The following SUGP1 variants were observed in gnomAD, a reference collection of about 807,000 sequenced individuals.
The protein encoded by SUGP1 is SURP and G-patch domain-containing protein 1.
SUGP1 carries 34 observed loss-of-function variants against 76.5 expected under a neutral mutation model. That is an observed-to-expected ratio of 0.44 (90% confidence interval 0.34 to 0.59). SUGP1 has a LOEUF of 0.59. SUGP1 is among the 20% of genes least tolerant of loss of function. SUGP1 has a pLI of 0.01. For synonymous variants in SUGP1, 326 were observed against 326.2 expected (o/e 1.00, Z 0.01); for missense variants, 752 against 851.7 (o/e 0.88, Z 1.46).
intron 1 of SUGP1, among the ~76,000 whole-genome samples, 164 bp downstream of exon 1, chr19:19,320,299 C>A (rs2061433092): frequency 6.6e-6 from 1 of 152,146 alleles, no homozygotes; most frequent in African/African-American, 2.4e-5. Flanking sequence ...CAACCTGGGT[C>A]TGGGGTCTCG....
At chr19:19,295,069 A>C (rs1345460168) in intron 8 of SUGP1, among the ~76,000 whole-genome samples, 3 of 152,140 alleles carry the variant, frequency 2.0e-5, no homozygotes, top group African/African-American at 7.2e-5. Flanking sequence ...AGGCTGAGGC[A>C]AGAAGATGGC....
rs568684370 is a variant in SUGP1, at chr19:19,307,205, C to A, written c.311-1129G>T. ...TAGCTGGGACTACAGGTGCACGACA[C>A]CATGTCTGGCTAATTTTATTTTTAT... On this transcript the variant is annotated intron_variant, in intron 3 of 13. Coordinates refer to ENST00000247001, the MANE Select transcript of SUGP1 (RefSeq NM_172231.4). Among the ~76,000 whole-genome samples, 6 of 152,206 alleles carry A rather than the reference C, an allele frequency of 3.9e-5. 1 individual carries two copies. The South Asian group carries it at 1.2e-3, about 32-fold the overall frequency.
chr19:19,316,426 C>T lies in SUGP1; in HGVS notation c.202G>A (p.Gly68Ser), dbSNP rs1303474200. Residue 68 changes from glycine to serine, a missense_variant, in exon 2 of 14, where the codon GGC becomes AGC. Coordinates refer to ENST00000247001, the MANE Select transcript of SUGP1 (RefSeq NM_172231.4). ...CAGGCCCCAGCAGGCACTTACTCGCCAGGATGTGGGGGCTGAGGGCTGGCC... is the reference window on the plus strand; with the variant it reads ...CAGGCCCCAGCAGGCACTTACTCGCTAGGATGTGGGGGCTGAGGGCTGGCC... ...QVASPQPPHP[G>S]EITNAHNSSC... 1 of 1,613,948 alleles carries T rather than the reference C, an allele frequency of 6.2e-7. No individual in the cohort carries two copies. The highest frequency in any genetic ancestry group is 2.2e-5 in the East Asian group (1 of 44,834).
Position 19,297,143 on chromosome 19 carries a change from G to T in SUGP1, c.1089C>A (p.Ile363=). 1 of 1,613,982 alleles carries T rather than the reference G, an allele frequency of 6.2e-7. No homozygotes were observed. Among genetic ancestry groups the T allele is most frequent in the Non-Finnish European group, 8.5e-7 (1 of 1,179,902 alleles). ...CPASSTPAPT[I]IPAPAAPGKP... is the part of the protein sequence containing the mutation. ...TCCCGGGGGCAGCTGGAGCAGGGAT[G>T]ATAGTGGGCGCAGGCGTGGACGAGG... Residue 363 remains isoleucine (I), a synonymous_variant, in exon 8 of 14, where the codon ATC becomes ATA. Coordinates refer to ENST00000247001, the MANE Select transcript of SUGP1 (RefSeq NM_172231.4).
At position 19,310,103 on chromosome 19, in the gene SUGP1, T is replaced by C. The variant is rs780550393; in HGVS notation, c.304A>G (p.Ser102Gly). 1 of 1,613,228 alleles carries C rather than the reference T, an allele frequency of 6.2e-7. No homozygotes were observed. The change falls in exon 3 of 14, where the codon AGC (serine) becomes GGC (glycine). Residue 102 changes from serine to glycine, a missense_variant. By Grantham distance (56) the Ser-to-Gly change is moderately conservative. Transcript: ENST00000247001. ...AGGGGAGGCCTACACTCACCTGTGC[T>C]GGTCTGTGCCTTCTGCAACTTCAGA... ...QFLKLQKAQT[S>G]TDAPTSAPSA...
At chr19:19,292,301 C>G (rs1475383455) in intron 8 of SUGP1, among the ~76,000 whole-genome samples, 1 of 150,066 alleles carries the variant, frequency 6.7e-6, no homozygotes, top group South Asian at 2.1e-4. Context: ...GAAAGAATAC[C>G]AATTCTCCTC....
intron 8 of SUGP1, among the ~76,000 whole-genome samples, chr19:19,283,913 T>A (rs1027432879): frequency 6.6e-6 from 1 of 152,244 alleles, no homozygotes; most frequent in Admixed American, 6.5e-5. Context: ...TAACATTAGC[T>A]GTAGTGCACA....
intron 9 of SUGP1, among the ~76,000 whole-genome samples, chr19:19,279,939 C>T (rs1455252044): frequency 2.6e-5 from 4 of 152,200 alleles, no homozygotes; most frequent in South Asian, 2.1e-4. Context: ...CCACCGGGGC[C>T]GCCCCAAGGG....
At chr19:19,288,849 G>T (rs148447990) in intron 8 of SUGP1, among the ~76,000 whole-genome samples, 7 of 151,920 alleles carry the variant, frequency 4.6e-5, no homozygotes, top group African/African-American at 9.7e-5. Context: ...GCAGTGGCGC[G>T]ATCTCAGCTC....
intron 9 of SUGP1, 53 bp downstream of exon 9, chr19:19,280,132 A>G: frequency 6.4e-7 from 1 of 1,556,972 alleles, no homozygotes. Context: ...GGTAGAGGAC[A>G]ACACTCTATG....
chr19:19,310,105 G>A lies in SUGP1; in HGVS notation c.302C>T (p.Thr101Ile). The A allele has an allele frequency of 3.1e-6, 5 of 1,613,234 alleles. No individual in the cohort carries two copies. Among genetic ancestry groups the A allele is most frequent in the Non-Finnish European group, 3.4e-6 (4 of 1,179,390 alleles). ...GGGAGGCCTACACTCACCTGTGCTGGTCTGTGCCTTCTGCAACTTCAGAAA... is the reference window on the plus strand; with the variant it reads ...GGGAGGCCTACACTCACCTGTGCTGATCTGTGCCTTCTGCAACTTCAGAAA... ...QQFLKLQKAQ[T>I]STDAPTSAPS... Residue 101 changes from threonine (T) to isoleucine (I), a missense_variant, in exon 3 of 14, where the codon ACC becomes ATC. Around this residue, in one of 2 missense-constraint regions of SUGP1, gnomAD observed 620 missense variants for 617.3 expected, o/e 1.00. Coordinates refer to ENST00000247001, the MANE Select transcript of SUGP1 (RefSeq NM_172231.4).
At chr19:19,318,555 A>G (rs891588877) in intron 1 of SUGP1, among the ~76,000 whole-genome samples, 4 of 152,078 alleles carry the variant, frequency 2.6e-5, no homozygotes, top group African/African-American at 9.7e-5. Flanking sequence ...CAGCCACCCG[A>G]GTGGCTAGGA....
chr19:19,304,138 T>C (rs190710190), intron 4 of SUGP1: 1 of 930,476 alleles, frequency 1.1e-6, no homozygotes, highest in East Asian at 3.0e-5. Flanking sequence ...GTGGGGGAAA[T>C]GCTTAATTCT....
At position 19,293,199 on chromosome 19, in the gene SUGP1, C is replaced by T. The variant is rs1027591592; in HGVS notation, c.1243+3790G>A. Among the ~76,000 whole-genome samples the T allele has an allele frequency of 5.3e-5, 8 of 151,920 alleles. No homozygotes were observed. The East Asian group carries it at 1.4e-3, about 26-fold the overall frequency. ...TGCTGGGATTACAGGCGTGAGTCACCGTGCCTGGCCTGTTTTAACTGATGC... is the reference window on the plus strand; with the variant it reads ...TGCTGGGATTACAGGCGTGAGTCACTGTGCCTGGCCTGTTTTAACTGATGC... On this transcript the variant is annotated intron_variant, in intron 8 of 13. Transcript: ENST00000247001.
intron 1 of SUGP1, among the ~76,000 whole-genome samples, chr19:19,317,710 G>A (rs2061404803): frequency 6.6e-6 from 1 of 151,880 alleles, no homozygotes; most frequent in Non-Finnish European, 1.5e-5. Context: ...ATAGAGATGA[G>A]GTCTTGCTAT....
At position 19,316,523 on chromosome 19, in the gene SUGP1, C is replaced by G; in HGVS notation, c.105G>C (p.Gln35His). 5 of 1,613,914 alleles carry G rather than the reference C, an allele frequency of 3.1e-6. No individual in the cohort carries two copies. Among genetic ancestry groups the G allele is most frequent in the Non-Finnish European group, 4.2e-6 (5 of 1,180,008 alleles). The stretch of plus-strand genomic sequence containing the variant: ...GTTTCTTCTGAGCGATGAGCTCTTC[C>G]TGGTGAAGGATGTTCATGTTCATTT... ...SGKMNMNILH[Q>H]EELIAQKKRE... The change falls in exon 2 of 14, where the codon CAG (glutamine) becomes CAC (histidine). Residue 35 changes from glutamine (Q) to histidine (H), a missense_variant. Around this residue, in one of 2 missense-constraint regions of SUGP1, gnomAD observed 620 missense variants for 617.3 expected, o/e 1.00. Coordinates refer to ENST00000247001, the MANE Select transcript of SUGP1 (RefSeq NM_172231.4).
chr19:19,280,365 TGTGA>T lies in SUGP1; in HGVS notation c.1244-78_1244-75del. 4 of 1,329,052 alleles carry T rather than the reference TGTGA, an allele frequency of 3.0e-6. No individual in the cohort carries two copies. The South Asian group carries it at 4.7e-5, about 16-fold the overall frequency. 82.3% of individuals were successfully genotyped at this position (1,329,052 alleles called of 1,614,324 possible). ...ATCTCGCTCCTGCGCTGGGGTGTGC[TGTGA>T]GTCTCACACCTTCATGACACTCCAG... On this transcript the variant is annotated intron_variant, in intron 8 of 13. Transcript: ENST00000247001.
At chr19:19,302,544 C>A (rs2061280292) in intron 6 of SUGP1, 156 bp from the exon 7 acceptor site, 2 of 1,118,564 alleles carry the variant, frequency 1.8e-6, no homozygotes, top group Admixed American at 2.6e-5. Context: ...GACCAGATGC[C>A]AGAATTCATA....
rs773724203 is a variant in SUGP1 at position 19,276,983 on chromosome 19, C to T, written c.1875G>A (p.Arg625=). The change falls in exon 13 of 14, where the codon AGG becomes AGA. Residue 625 remains arginine (R), a synonymous_variant. Transcript: ENST00000247001. ...EDDEYEAFRK[R]MMLAYRFRPN... The stretch of plus-strand genomic sequence containing the variant: ...GCCGGAAGCGGTAGGCCAGCATCAT[C>T]CTCTTGCGGAACGCCTCATACTCGT... 2.5e-6 allele frequency: 4 copies of T among 1,613,072 alleles called. No homozygotes were observed. In the African/African-American group the frequency reaches 5.3e-5, roughly 22 times the overall value.
Sources: allele counts gnomAD v4.1 joint callset (sites outside exome capture counted in the v4.1 genomes callset), GRCh38; gene constraint gnomAD v4.1.1; regional missense constraint gnomAD v4.1.1; transcripts MANE v1.5; gene names NCBI Gene and HGNC (gene_info 2026-07-23, HGNC 2026-07-21).